GULP1: variants seen among roughly 807,000 people sequenced by gnomAD.
GULP1 encodes PTB domain-containing engulfment adapter protein 1.
A neutral mutation model predicts 40.9 loss-of-function variants in GULP1; 19 were observed. That is an observed-to-expected ratio of 0.46 (90% CI 0.32 to 0.68). GULP1 has a LOEUF of 0.68. Among genes scored for constraint, GULP1 ranks in the 30% least tolerant of loss-of-function variants. The pLI, the probability that GULP1 is intolerant of heterozygous loss-of-function variation, is 0.03. For synonymous variants in GULP1, 119 were observed against 117.6 expected (o/e 1.01, Z -0.08); for missense variants, 312 against 362.2 (o/e 0.86, Z 1.12).
Position 188,529,083 on chromosome 2 carries a change from T to C in GULP1, c.163-14T>C. ...AATAGAAGTGTAGCTTTGTGAATAA[T>C]TTTTCATTCGTAGTTTGCAAGACAT... On this transcript the variant is annotated splice_polypyrimidine_tract_variant and intron_variant, in intron 5 of 11. Coordinates refer to ENST00000409830, the MANE Select transcript of GULP1 (RefSeq NM_016315.4). 8.3e-7 allele frequency: 1 copy of C among 1,201,966 alleles called. No homozygotes were observed. The highest frequency in any genetic ancestry group is 1.5e-5 in the African/African-American group (1 of 65,646). The allele number at this position is 1,201,966 out of a possible 1,614,324, so 74.5% of individuals were successfully genotyped here. A position where few individuals can be genotyped will look rare whatever the true frequency, so the allele number is the denominator to read the frequency against.
At chr2:188,476,384 G>A (rs1052990361) in intron 2 of GULP1, among the ~76,000 whole-genome samples, 1 of 152,070 alleles carries the variant, frequency 6.6e-6, no homozygotes, top group African/African-American at 2.4e-5. Flanking sequence ...GGCAATAGTG[G>A]GCAGAGAGTG....
At chr2:188,496,187 T>G (rs1337831774) in intron 4 of GULP1, among the ~76,000 whole-genome samples, 1 of 152,038 alleles carries the variant, frequency 6.6e-6, no homozygotes, top group Non-Finnish European at 1.5e-5. Flanking sequence ...CGATAGTATC[T>G]TGAGCATCAA....
intron 7 of GULP1, among the ~76,000 whole-genome samples, chr2:188,550,275 A>G (rs1263640129): frequency 6.6e-6 from 1 of 151,652 alleles, no homozygotes; most frequent in Non-Finnish European, 1.5e-5. Flanking sequence ...CTAGAGTGAC[A>G]AGCTAGATAG....
intron 2 of GULP1, among the ~76,000 whole-genome samples, chr2:188,407,574 A>G (rs1402486096): frequency 6.6e-6 from 1 of 152,200 alleles, no homozygotes; most frequent in Non-Finnish European, 1.5e-5. Flanking sequence ...TCAGTTTAAA[A>G]TAGCCTCTTT....
At chr2:188,525,392 A>G (rs554991220) in intron 5 of GULP1, among the ~76,000 whole-genome samples, 5 of 152,104 alleles carry the variant, frequency 3.3e-5, no homozygotes, top group Admixed American at 6.5e-5. Flanking sequence ...ACTTCATCTC[A>G]AAAAACAAAA....
intron 2 of GULP1, among the ~76,000 whole-genome samples, chr2:188,426,277 A>T (rs1419361217): frequency 6.6e-6 from 1 of 152,180 alleles, no homozygotes; most frequent in Non-Finnish European, 1.5e-5. Context: ...TTGAGTTAAG[A>T]TAAGGTAGAT....
chr2:188,297,740 A>C (rs1465928420), intron 1 of GULP1, among the ~76,000 whole-genome samples: 1 of 152,050 alleles, frequency 6.6e-6, no homozygotes, highest in East Asian at 1.9e-4. Flanking sequence ...TAGCTGTATA[A>C]TATTTCATGA....
At chr2:188,549,006 G>GA (rs995699072) in intron 7 of GULP1, among the ~76,000 whole-genome samples, 4 of 151,090 alleles carry the variant, frequency 2.6e-5, no homozygotes, top group African/African-American at 7.3e-5. Context: ...AAAACATTTA[G>GA]AAAAAAAACA....
intron 4 of GULP1, 97 bp from the exon 5 acceptor site, chr2:188,522,659 A>G: frequency 3.7e-6 from 2 of 546,910 alleles, no homozygotes; most frequent in African/African-American, 3.7e-5. Context: ...AGTTTGCATT[A>G]CTATTAAACC....
chr2:188,587,995 G>C lies in GULP1; in HGVS notation c.843+46G>C, dbSNP rs753707429. On this transcript the variant is annotated intron_variant, in intron 11 of 11. Coordinates refer to ENST00000409830, the MANE Select transcript of GULP1 (RefSeq NM_016315.4). ...GCCCATAAATGATTTATTTCATTTT[G>C]ATATGGGACAAAGAGAATGTTATGT... The C allele has an allele frequency of 4.2e-6, 4 of 945,824 alleles. No individual in the cohort carries two copies. The Admixed American group carries it at 6.8e-5, about 16-fold the overall frequency. The allele number at this position is 945,824 out of a possible 1,614,324, so 58.6% of individuals were successfully genotyped here.
intron 1 of GULP1, among the ~76,000 whole-genome samples, chr2:188,364,423 C>T (rs752490453): frequency 6.6e-6 from 1 of 152,122 alleles, no homozygotes. Flanking sequence ...TGTCAGCCTT[C>T]GCATCTGTGT....
chr2:188,458,982 T>C (rs1457647295), intron 2 of GULP1, among the ~76,000 whole-genome samples: 3 of 152,204 alleles, frequency 2.0e-5, no homozygotes, highest in Non-Finnish European at 4.4e-5. Flanking sequence ...TCACTGAACA[T>C]AATGACTTCC....
intron 4 of GULP1, among the ~76,000 whole-genome samples, chr2:188,508,172 G>A (rs2064126858): frequency 6.6e-6 from 1 of 151,810 alleles, no homozygotes; most frequent in Admixed American, 6.6e-5. Context: ...AATAGAATCA[G>A]CATACAGTAG....
chr2:188,557,650 C>A (rs1057031317), intron 7 of GULP1, among the ~76,000 whole-genome samples: 1 of 152,210 alleles, frequency 6.6e-6, no homozygotes, highest in African/African-American at 2.4e-5. Context: ...GGTGCAAACT[C>A]TCAGTGGATC....
At chr2:188,461,455 A>AGATT (rs879936559) in intron 2 of GULP1, among the ~76,000 whole-genome samples, 43 of 151,072 alleles carry the variant, frequency 2.8e-4, no homozygotes, top group Non-Finnish European at 5.5e-4. Context: ...CGAGTAGCTG[A>AGATT]GATTACAGGC....
chr2:188,525,404 A>C (rs1193895012), intron 5 of GULP1, among the ~76,000 whole-genome samples: 1 of 152,144 alleles, frequency 6.6e-6, no homozygotes, highest in Non-Finnish European at 1.5e-5. Flanking sequence ...AAAACAAAAA[A>C]ACAAAAACAA....
chr2:188,322,245 A>G (rs568134796), intron 1 of GULP1, among the ~76,000 whole-genome samples: 2 of 152,172 alleles, frequency 1.3e-5, no homozygotes, highest in South Asian at 4.1e-4. Context: ...TGTTCTCTAT[A>G]CAGTGTATTA....
chr2:188,518,360 A>C (rs1389422244), intron 4 of GULP1, among the ~76,000 whole-genome samples: 1 of 152,138 alleles, frequency 6.6e-6, no homozygotes, highest in African/African-American at 2.4e-5. Flanking sequence ...GCATCATAAC[A>C]TTATACCTTA....
chr2:188,360,737 T>C (rs1282503641), intron 1 of GULP1, among the ~76,000 whole-genome samples: 1 of 152,088 alleles, frequency 6.6e-6, no homozygotes, highest in East Asian at 1.9e-4. Flanking sequence ...TTTGGAAAGA[T>C]AGCAAGGCAT....
Sources: allele counts gnomAD v4.1 joint callset (sites outside exome capture counted in the v4.1 genomes callset), GRCh38; gene constraint gnomAD v4.1.1; transcripts MANE v1.5; gene names NCBI Gene and HGNC (gene_info 2026-07-23, HGNC 2026-07-21).